The following CHIA variants were observed in gnomAD, a reference collection of about 807,000 sequenced individuals.
CHIA encodes the protein chitinase acidic, also known as acidic mammalian chitinase.
Under a neutral mutation model 53.5 loss-of-function variants are expected in CHIA, and 47 were observed. The observed-to-expected ratio is 0.88, with a 90% CI of 0.70 to 1.12. The LOEUF (loss-of-function observed/expected upper bound fraction) is 1.12. Among genes scored for constraint, CHIA ranks in the 50% most tolerant of loss-of-function variants. The pLI, the probability that CHIA is intolerant of heterozygous loss-of-function variation, is 0.00. For missense variants in CHIA, 652 were observed against 592.2 expected (o/e 1.10, Z -1.05); for synonymous variants, 268 against 222.2 (o/e 1.21, Z -1.83).
rs1661353531 is a variant in CHIA at position 111,296,616 on chromosome 1, TA to T, written c.-69+5670del. Among the ~76,000 whole-genome samples, 3 of 152,200 alleles carry T rather than the reference TA, an allele frequency of 2.0e-5. No individual in the cohort carries two copies. In the South Asian group the frequency reaches 6.2e-4, roughly 32 times the overall value. On this transcript the variant is annotated intron_variant, in intron 1 of 11. Transcript: ENST00000369740. ...GTAGATAAAACCACAAAGATGGGGA[TA>T]AAACAGAGCAGAAAAGCTGAAAATT...
At chr1:111,307,537 C>T (rs1648279673) in intron 1 of CHIA, among the ~76,000 whole-genome samples, 1 of 151,910 alleles carries the variant, frequency 6.6e-6, no homozygotes, top group African/African-American at 2.4e-5. Flanking sequence ...GTGGTTACTC[C>T]AGGGGAATGA....
At chr1:111,301,208 G>C (rs907858359) in intron 1 of CHIA, among the ~76,000 whole-genome samples, 2 of 152,174 alleles carry the variant, frequency 1.3e-5, no homozygotes, top group Non-Finnish European at 2.9e-5. Flanking sequence ...AATACCATTT[G>C]ACCCAGCGAT....
intron 1 of CHIA, among the ~76,000 whole-genome samples, chr1:111,297,682 A>T (rs1647285741): frequency 6.6e-6 from 1 of 152,144 alleles, no homozygotes; most frequent in South Asian, 2.1e-4. Context: ...GGACAAAATA[A>T]CCAGCTAACA....
At chr1:111,298,633 C>T (rs567362254) in intron 1 of CHIA, among the ~76,000 whole-genome samples, 4 of 152,102 alleles carry the variant, frequency 2.6e-5, no homozygotes, top group Non-Finnish European at 5.9e-5. Context: ...CAAGAGAAAG[C>T]AGGAAAGATC....
At chr1:111,313,394 T>A (rs773794950) in intron 4 of CHIA, among the ~76,000 whole-genome samples, 12 of 152,244 alleles carry the variant, frequency 7.9e-5, no homozygotes, top group Non-Finnish European at 1.6e-4. Flanking sequence ...ATTTCTCTGA[T>A]GATTAGTGAT....
At chr1:111,315,511 G>A in intron 6 of CHIA, 76 bp downstream of exon 6, 6 of 1,464,762 alleles carry the variant, frequency 4.1e-6, no homozygotes, top group Non-Finnish European at 5.5e-6. Context: ...GGTGGCTCTA[G>A]GGTAAAACAA....
chr1:111,318,602 G>C lies in CHIA; in HGVS notation c.839G>C (p.Gly280Ala), dbSNP rs779244540. ...NFILSNPSNT[G>A]IGAPTSGAGP... Reference sequence around the variant, plus strand: ...ATCCTGAGCAACCCCTCCAACACTGGAATTGGTGCCCCCACCTCTGGTGCT... The same window carrying C: ...ATCCTGAGCAACCCCTCCAACACTGCAATTGGTGCCCCCACCTCTGGTGCT... Residue 280 changes from glycine (G) to alanine (A), a missense_variant, in exon 9 of 12, where the codon GGA becomes GCA. Transcript: ENST00000369740. The C allele has an allele frequency of 6.2e-7, 1 of 1,614,070 alleles. No individual in the cohort carries two copies. The highest frequency in any genetic ancestry group is 1.3e-5 in the African/African-American group (1 of 74,918).
intron 1 of CHIA, among the ~76,000 whole-genome samples, chr1:111,297,695 G>A (rs11102236): frequency 0.24 from 37,016 of 151,490 alleles, 4,812 homozygotes; most frequent in African/African-American, 0.33. Flanking sequence ...AGCTAACATC[G>A]TAATGACAGC....
intron 1 of CHIA, among the ~76,000 whole-genome samples, chr1:111,291,857 T>A (rs1459540625): frequency 1.3e-5 from 2 of 151,082 alleles, no homozygotes; most frequent in Non-Finnish European, 2.9e-5. Context: ...AGGGAAAGCA[T>A]CAGGATAAAG....
chr1:111,319,426 C>G lies in CHIA; in HGVS notation c.1135C>G (p.Leu379Val). 1 of 1,614,178 alleles carries G rather than the reference C, an allele frequency of 6.2e-7. No individual in the cohort carries two copies. The highest frequency in any genetic ancestry group is 8.5e-7 in the Non-Finnish European group (1 of 1,180,024). The change falls in exon 11 of 12, where the codon CTA becomes GTA. Residue 379 changes from leucine (L) to valine (V), a missense_variant. Coordinates refer to ENST00000369740, the MANE Select transcript of CHIA (RefSeq NM_201653.4). Reference sequence around the variant, plus strand: ...TTTCTGCAACCAGGGCAAGTTTCCCCTAATCTCCACCCTGAAGAAGGCCCT... The same window carrying G: ...TTTCTGCAACCAGGGCAAGTTTCCCGTAATCTCCACCCTGAAGAAGGCCCT... ...GTFCNQGKFP[L>V]ISTLKKALGL...
chr1:111,318,447 G>A, intron 8 of CHIA, 46 bp from the exon 9 acceptor site: 2 of 1,506,286 alleles, frequency 1.3e-6, no homozygotes, highest in East Asian at 4.5e-5. Flanking sequence ...CTAAGTACTG[G>A]GTCCTCAGCT....
At chr1:111,315,496 A>G in intron 6 of CHIA, 61 bp downstream of exon 6, 2 of 1,553,644 alleles carry the variant, frequency 1.3e-6, no homozygotes, top group Non-Finnish European at 1.7e-6. Context: ...TTCCGAGGAG[A>G]ATTGGGTGGC....
intron 11 of CHIA, among the ~76,000 whole-genome samples, chr1:111,319,717 C>A (rs930833668): frequency 1.3e-5 from 2 of 152,176 alleles, no homozygotes; most frequent in Admixed American, 1.3e-4. Flanking sequence ...GTGGAAGAGC[C>A]TCAAGAAATT....
chr1:111,301,149 A>G (rs2101615825), intron 1 of CHIA, among the ~76,000 whole-genome samples: 1 of 152,338 alleles, frequency 6.6e-6, no homozygotes, highest in South Asian at 2.1e-4. Flanking sequence ...AAATTAGTTC[A>G]ACCATTGTGG....
At chr1:111,314,629 T>G (rs762127429) in intron 5 of CHIA, 33 bp downstream of exon 5, 1 of 1,568,282 alleles carries the variant, frequency 6.4e-7, no homozygotes, top group South Asian at 1.1e-5. Context: ...GTTGTTCGTT[T>G]GCTATGGAAA....
chr1:111,319,044 A>G (rs1649419017), intron 9 of CHIA, 76 bp from the exon 10 acceptor site: 3 of 1,538,822 alleles, frequency 1.9e-6, no homozygotes, highest in Non-Finnish European at 2.6e-6. Flanking sequence ...GAGACATGAA[A>G]GAAGAAAAAT....
chr1:111,314,785 T>C (rs1649008287), intron 5 of CHIA, 189 bp downstream of exon 5: 2 of 547,992 alleles, frequency 3.6e-6, no homozygotes, highest in South Asian at 5.1e-5. Flanking sequence ...ATTTCATACA[T>C]TTAATTTGGT....
At chr1:111,302,210 A>G (rs1463282370) in intron 1 of CHIA, among the ~76,000 whole-genome samples, 1 of 151,990 alleles carries the variant, frequency 6.6e-6, no homozygotes, top group Non-Finnish European at 1.5e-5. Flanking sequence ...AGAACTTTTT[A>G]TTTTATTGAT....
Position 111,295,749 on chromosome 1 carries a change from G to A in CHIA, c.-69+4799G>A, listed in dbSNP as rs1661299566. On this transcript the variant is annotated intron_variant, in intron 1 of 11. Coordinates refer to ENST00000369740, the MANE Select transcript of CHIA (RefSeq NM_201653.4). ...GCCCACGGAGGGTGAGCCAAAGCAG[G>A]GTGGGGCATCACCTCACCCAGGAAG... Among the ~76,000 whole-genome samples the A allele has an allele frequency of 2.6e-5, 4 of 152,178 alleles. No individual in the cohort carries two copies. The South Asian group carries it at 8.3e-4, about 32-fold the overall frequency.
Sources: allele counts gnomAD v4.1 joint callset (sites outside exome capture counted in the v4.1 genomes callset), GRCh38; gene constraint gnomAD v4.1.1; transcripts MANE v1.5; gene names NCBI Gene and HGNC (gene_info 2026-07-23, HGNC 2026-07-21).